The following CFAP299 variants were observed in gnomAD, a reference collection of about 807,000 sequenced individuals.
CFAP299 encodes the protein cilia and flagella associated protein 299, also known as cilia- and flagella-associated protein 299.
CFAP299 carries 21 observed loss-of-function variants against 27.0 expected under a neutral mutation model. That is an observed-to-expected ratio of 0.78 (90% CI 0.55 to 1.12). CFAP299 has a LOEUF of 1.12. Ranked by LOEUF, CFAP299 falls within the 50% of genes most tolerant of loss-of-function variation. CFAP299 has a pLI of 0.00. For synonymous variants in CFAP299, 104 were observed against 98.1 expected (o/e 1.06, Z -0.36); for missense variants, 310 against 276.6 (o/e 1.12, Z -0.86).
chr4:80,429,962 A>T (rs1727726634), intron 2 of CFAP299, among the ~76,000 whole-genome samples: 1 of 151,994 alleles, frequency 6.6e-6, no homozygotes, highest in African/African-American at 2.4e-5. Flanking sequence ...GTTTTTTTTT[A>T]TGTATACCAT....
chr4:80,666,502 A>C (rs749333025), intron 3 of CFAP299, among the ~76,000 whole-genome samples: 3 of 152,192 alleles, frequency 2.0e-5, no homozygotes, highest in Non-Finnish European at 2.9e-5. Context: ...CACTATTTGA[A>C]AAAGAAAAGA....
intron 3 of CFAP299, among the ~76,000 whole-genome samples, chr4:80,775,497 G>T (rs543059915): frequency 2.8e-4 from 42 of 151,728 alleles, no homozygotes; most frequent in Non-Finnish European, 5.3e-4. Flanking sequence ...TTGCTGTTTG[G>T]TTGATGTATT....
intron 2 of CFAP299, among the ~76,000 whole-genome samples, chr4:80,467,848 T>C (rs952725409): frequency 1.3e-5 from 2 of 152,132 alleles, no homozygotes; most frequent in Non-Finnish European, 2.9e-5. Flanking sequence ...ACAAGGATAT[T>C]CTTGGTGACA....
At chr4:80,407,584 T>C (rs1176634811) in intron 2 of CFAP299, among the ~76,000 whole-genome samples, 2 of 152,160 alleles carry the variant, frequency 1.3e-5, no homozygotes, top group African/African-American at 4.8e-5. Flanking sequence ...GTTCTTTCTG[T>C]ACGAGTTTGT....
intron 2 of CFAP299, among the ~76,000 whole-genome samples, chr4:80,398,828 A>G (rs913346480): frequency 1.3e-5 from 2 of 152,214 alleles, no homozygotes; most frequent in African/African-American, 4.8e-5. Context: ...ACAAAAGCCA[A>G]AATTGACAAA....
intron 3 of CFAP299, among the ~76,000 whole-genome samples, chr4:80,793,907 C>T (rs1179896614): frequency 1.3e-5 from 2 of 152,138 alleles, no homozygotes; most frequent in East Asian, 3.9e-4. Context: ...TCCCTTTGCC[C>T]TCAGCAAGCA....
chr4:80,954,119 A>G (rs1228071521), intron 5 of CFAP299, among the ~76,000 whole-genome samples: 1 of 152,212 alleles, frequency 6.6e-6, no homozygotes, highest in African/African-American at 2.4e-5. Flanking sequence ...ATTGAATAAG[A>G]ACAAAATAAT....
intron 3 of CFAP299, among the ~76,000 whole-genome samples, chr4:80,591,370 G>A (rs368640600): frequency 2.0e-5 from 3 of 151,782 alleles, no homozygotes; most frequent in Admixed American, 1.3e-4. Context: ...TGATCCGCCC[G>A]CCTCGGCCTA....
intron 2 of CFAP299, among the ~76,000 whole-genome samples, chr4:80,380,523 G>A (rs895992902): frequency 8.0e-5 from 12 of 150,652 alleles, no homozygotes; most frequent in African/African-American, 2.7e-4. Context: ...CACCTCCTGG[G>A]TTCAAATGAT....
intron 3 of CFAP299, among the ~76,000 whole-genome samples, chr4:80,868,775 C>T (rs1253210022): frequency 6.6e-6 from 1 of 151,722 alleles, no homozygotes; most frequent in Non-Finnish European, 1.5e-5. Context: ...GAAGGTCAGT[C>T]ACAATATCTA....
intron 3 of CFAP299, among the ~76,000 whole-genome samples, chr4:80,809,796 T>C (rs1729050199): frequency 6.6e-6 from 1 of 152,090 alleles, no homozygotes; most frequent in African/African-American, 2.4e-5. Flanking sequence ...CCACTTTCTC[T>C]TCTAGCTGTA....
At chr4:80,891,266 G>T (rs1353770840) in intron 4 of CFAP299, among the ~76,000 whole-genome samples, 1 of 150,284 alleles carries the variant, frequency 6.7e-6, no homozygotes, top group Non-Finnish European at 1.5e-5. Flanking sequence ...TCCAGTTTCA[G>T]CTTTCTACAT....
At chr4:80,911,264 A>G (rs369405918) in intron 4 of CFAP299, among the ~76,000 whole-genome samples, 253 of 141,620 alleles carry the variant, frequency 1.8e-3, no homozygotes, top group South Asian at 4.2e-3. Context: ...CTATATTGTA[A>G]TCATTATTTT....
chr4:80,488,393 A>G (rs1336624672), intron 2 of CFAP299, among the ~76,000 whole-genome samples: 1 of 152,048 alleles, frequency 6.6e-6, no homozygotes, highest in African/African-American at 2.4e-5. Context: ...TTCATTAGTG[A>G]TTATTCAATA....
intron 3 of CFAP299, among the ~76,000 whole-genome samples, chr4:80,764,337 A>G (rs559365885): frequency 6.6e-6 from 1 of 152,204 alleles, no homozygotes; most frequent in Non-Finnish European, 1.5e-5. Context: ...GCCAACAAAC[A>G]TGAAAAAAAG....
At chr4:80,531,984 G>A (rs186419286) in intron 2 of CFAP299, among the ~76,000 whole-genome samples, 1 of 152,022 alleles carries the variant, frequency 6.6e-6, no homozygotes. Flanking sequence ...CCGAACTCCC[G>A]ACCTCAGGTG....
rs1730961076 is a variant in CFAP299 at position 80,488,740 on chromosome 4, T to A, written c.243-94353T>A. Among the ~76,000 whole-genome samples, 2 of 152,192 alleles carry A rather than the reference T, an allele frequency of 1.3e-5. 1 individual carries two copies. Among genetic ancestry groups the A allele is most frequent in the South Asian group, 4.1e-4 (2 of 4,836 alleles). On this transcript the variant is annotated intron_variant, in intron 2 of 5. Coordinates refer to ENST00000358105, the MANE Select transcript of CFAP299 (RefSeq NM_152770.3). ...ATCCGCCCACCTTGGCCTCCCAAAG[T>A]GCTGGGATTACAGGCGTGAGCCACC...
At chr4:80,326,950 C>A in the CFAP299 span, among the ~76,000 whole-genome samples, 2 of 151,708 alleles carry the variant, frequency 1.3e-5, no homozygotes, top group African/African-American at 4.8e-5. Flanking sequence ...GCATTTTTTT[C>A]ATCATTAAAT....
chr4:80,376,525 T>C (rs529054705), intron 2 of CFAP299, among the ~76,000 whole-genome samples: 1 of 152,336 alleles, frequency 6.6e-6, no homozygotes, highest in Admixed American at 6.5e-5. Context: ...TTTTACTCTC[T>C]CCTTAGCAAG....
Sources: gnomAD v4.1 joint callset for allele counts (sites outside exome capture counted in the v4.1 genomes callset) on GRCh38, gnomAD v4.1.1 for gene constraint, MANE v1.5 for transcripts, NCBI Gene and HGNC (gene_info 2026-07-23, HGNC 2026-07-21) for gene names.